The following SEC23A variants were observed in gnomAD, a reference collection of about 807,000 sequenced individuals.
SEC23A encodes protein transport protein Sec23A.
A neutral mutation model predicts 103.7 loss-of-function variants in SEC23A; 56 were observed. That is an observed-to-expected ratio of 0.54 (90% CI 0.44 to 0.67). The LOEUF (loss-of-function observed/expected upper bound fraction) is 0.67, where lower values mean the gene tolerates loss of function less well. Ranked by LOEUF, SEC23A falls within the 30% of genes least tolerant of loss-of-function variation. The pLI is 0.00. For missense variants in SEC23A, 784 were observed against 936.4 expected, an observed-to-expected ratio of 0.84 and a Z score of 2.12; for synonymous variants, 281 against 293.0, an observed-to-expected ratio of 0.96 and a Z score of 0.42.
chr14:39,094,251 T>C (rs1325327530), intron 2 of SEC23A, among the ~76,000 whole-genome samples: 1 of 93,698 alleles, frequency 1.1e-5, no homozygotes, highest in African/African-American at 4.3e-5. Flanking sequence ...TATATACACA[T>C]ATACATATAT....
intron 2 of SEC23A, chr14:39,095,004 T>C: frequency 2.9e-6 from 2 of 700,512 alleles, no homozygotes; most frequent in South Asian, 3.0e-5. Flanking sequence ...AGCTTCTGGG[T>C]AGAGAACAGA....
At chr14:39,077,209 T>G in intron 7 of SEC23A, among the ~76,000 whole-genome samples, 2 of 97,400 alleles carry the variant, frequency 2.1e-5, no homozygotes, top group Non-Finnish European at 3.7e-5. Context: ...GCCTGGGCAA[T>G]GGAGCAAGAC....
chr14:39,056,100 C>A (rs1886237359), intron 13 of SEC23A, among the ~76,000 whole-genome samples: 1 of 152,330 alleles, frequency 6.6e-6, no homozygotes, highest in African/African-American at 2.4e-5. Context: ...TTTGTTCTGC[C>A]TCTGTACATG....
chr14:39,094,605 A>G (rs775945150), intron 2 of SEC23A, among the ~76,000 whole-genome samples: 57 of 151,902 alleles, frequency 3.8e-4, no homozygotes, highest in Non-Finnish European at 7.4e-4. Flanking sequence ...AAAGAAAACA[A>G]AGCAGAATGT....
chr14:39,064,749 G>T (rs1191784415), intron 11 of SEC23A, 164 bp downstream of exon 11: 2 of 650,844 alleles, frequency 3.1e-6, no homozygotes, highest in Non-Finnish European at 2.7e-6. Flanking sequence ...TCTTTTTTGG[G>T]GGGATAACAG....
rs555178094 is a variant in SEC23A, at chr14:39,077,416, G to A, written c.829-1323C>T. Among the ~76,000 whole-genome samples the A allele has an allele frequency of 1.8e-4, 28 of 151,510 alleles. No individual in the cohort carries two copies. In the East Asian group the frequency reaches 4.1e-3, roughly 22 times the overall value. ...AAATTAGCCGGGCATGGTGGCGGGC[G>A]CCTGTAATTCCAGCTACTTGGGAGG... is the stretch of plus-strand genomic sequence containing the variant. On this transcript the variant is annotated intron_variant, in intron 7 of 19. Transcript: ENST00000307712.
chr14:39,102,754 G>GT (rs1479412867), intron 1 of SEC23A, among the ~76,000 whole-genome samples: 1 of 152,056 alleles, frequency 6.6e-6, no homozygotes, highest in African/African-American at 2.4e-5. Flanking sequence ...GGCCCAGGAG[G>GT]TGGGGGTGGG....
intron 14 of SEC23A, among the ~76,000 whole-genome samples, chr14:39,052,457 C>G (rs1886099692): frequency 6.6e-6 from 1 of 152,086 alleles, no homozygotes; most frequent in African/African-American, 2.4e-5. Flanking sequence ...TGTATTCATG[C>G]AACAAGGGAC....
In SEC23A at chr14:39,033,140, G is replaced by T; in HGVS notation, c.*99C>A. On this transcript the variant is annotated 3_prime_UTR_variant, in exon 20 of 20. Coordinates refer to ENST00000307712, the MANE Select transcript of SEC23A (RefSeq NM_006364.4). Reference sequence around the variant, plus strand: ...AAACCATACTAATACAAAAAATATAGAGCAATATCTGTTGGTTTCCACAGA... The same window carrying T: ...AAACCATACTAATACAAAAAATATATAGCAATATCTGTTGGTTTCCACAGA... The T allele has an allele frequency of 1.2e-6, 1 of 849,604 alleles. No homozygotes were observed. The highest frequency in any genetic ancestry group is 1.4e-5 in the South Asian group (1 of 72,976). 52.6% of individuals were successfully genotyped at this position (849,604 alleles called of 1,614,324 possible).
intron 19 of SEC23A, among the ~76,000 whole-genome samples, chr14:39,035,472 T>G (rs1314828134): frequency 6.6e-6 from 1 of 152,214 alleles, no homozygotes; most frequent in African/African-American, 2.4e-5. Context: ...TTACTGTCCA[T>G]TTCAAGCATG....
intron 1 of SEC23A, among the ~76,000 whole-genome samples, chr14:39,099,891 T>C (rs920628294): frequency 1.3e-5 from 2 of 151,998 alleles, no homozygotes; most frequent in Admixed American, 6.6e-5. Flanking sequence ...CTTTGGATAC[T>C]CAATAATGTT....
At chr14:39,092,305 A>G (rs1334091561) in intron 4 of SEC23A, among the ~76,000 whole-genome samples, 1 of 152,232 alleles carries the variant, frequency 6.6e-6, no homozygotes, top group Non-Finnish European at 1.5e-5. Flanking sequence ...TTTATTGTTT[A>G]CTGATCTACT....
At chr14:39,068,068 A>G (rs1469838021) in intron 9 of SEC23A, among the ~76,000 whole-genome samples, 1 of 152,190 alleles carries the variant, frequency 6.6e-6, no homozygotes, top group Non-Finnish European at 1.5e-5. Flanking sequence ...TGAGAATGGA[A>G]GAAAATTGAG....
At chr14:39,069,269 C>A (rs1594461827) in intron 9 of SEC23A, among the ~76,000 whole-genome samples, 1 of 152,134 alleles carries the variant, frequency 6.6e-6, no homozygotes, top group African/African-American at 2.4e-5. Context: ...ATTCAGCGAT[C>A]CTTTTAAACT....
chr14:39,061,766 T>C lies in SEC23A; in HGVS notation c.1504A>G (p.Asn502Asp), dbSNP rs1196675541. The change falls in exon 13 of 20, where the codon AAC (asparagine) becomes GAC (aspartate). Residue 502 changes from asparagine (N) to aspartate (D), a missense_variant and splice_region_variant. Physicochemically the swap from Asn to Asp is conservative, Grantham distance 23. This residue lies in a region of SEC23A where 683 missense variants were observed against 774.2 expected (regional missense o/e 0.88). Transcript: ENST00000307712. The part of the protein sequence containing the change: ...RRIRVTTIAR[N>D]WADAQTQIQN... ...AAATCTCTAACAAATACAACTTACT[T>C]CCTAGCAATGGTGGTCACTCGGATG... 2 of 1,603,350 alleles carry C rather than the reference T, an allele frequency of 1.2e-6. No individual in the cohort carries two copies. The highest frequency in any genetic ancestry group is 2.2e-5 in the East Asian group (1 of 44,832).
chr14:39,082,886 G>C (rs1214335675), intron 7 of SEC23A, among the ~76,000 whole-genome samples: 2 of 152,170 alleles, frequency 1.3e-5, no homozygotes, highest in Non-Finnish European at 2.9e-5. Flanking sequence ...CAAAGATCAG[G>C]AAAGATTGAG....
At chr14:39,084,733 G>T (rs1306858875) in intron 7 of SEC23A, among the ~76,000 whole-genome samples, 1 of 152,102 alleles carries the variant, frequency 6.6e-6, no homozygotes, top group African/African-American at 2.4e-5. Flanking sequence ...GCAGTGATGC[G>T]ATCTCAGCTC....
chr14:39,061,724 C>T (rs1410270320), intron 13 of SEC23A, 41 bp downstream of exon 13: 6 of 1,379,430 alleles, frequency 4.3e-6, no homozygotes, highest in Middle Eastern at 1.8e-4. Context: ...AACCCAGATA[C>T]CTGTGATATG....
At chr14:39,055,365 A>G (rs1886206396) in intron 13 of SEC23A, 69 bp from the exon 14 acceptor site, 1 of 1,502,390 alleles carries the variant, frequency 6.7e-7, no homozygotes, top group African/African-American at 1.4e-5. Flanking sequence ...GTTGGCTACC[A>G]CACAAATTTA....
Sources: gnomAD v4.1 joint callset for allele counts (sites outside exome capture counted in the v4.1 genomes callset) on GRCh38, gnomAD v4.1.1 for gene constraint, gnomAD v4.1.1 regional missense constraint, MANE v1.5 for transcripts, NCBI Gene and HGNC (gene_info 2026-07-23, HGNC 2026-07-21) for gene names.